Variants in PRUNE2 observed in about 807,000 individuals in gnomAD.
PRUNE2 encodes prune homolog 2 with BCH domain.
Under a neutral mutation model 252.0 loss-of-function variants are expected in PRUNE2, and 164 were observed. That is an observed-to-expected ratio of 0.65 (90% confidence interval 0.57 to 0.74). The LOEUF is 0.74. Among genes scored for constraint, PRUNE2 ranks in the 30% least tolerant of loss-of-function variants. The pLI is 0.00. For synonymous variants in PRUNE2, 1,292 were observed against 1,350.2 expected (o/e 0.96, Z 0.94); for missense variants, 3,495 against 3,711.0 (o/e 0.94, Z 1.51).
chr9:76,830,141 T>C (rs920838707), intron 4 of PRUNE2, among the ~76,000 whole-genome samples: 5 of 151,934 alleles, frequency 3.3e-5, no homozygotes, highest in African/African-American at 7.3e-5. Context: ...AATTAGAAAA[T>C]AGGTCAGAAG....
In PRUNE2 at chr9:76,831,300, C is replaced by T. The variant is rs147834984; in HGVS notation, c.509-4568G>A. ...GAAAGAAGTCTGAAAGTATGCGTCA[C>T]AAGATCTACACCAAAAGAAACAGTA... On this transcript the variant is annotated intron_variant, in intron 4 of 18. Transcript: ENST00000376718. 1.3e-3 allele frequency among the ~76,000 whole-genome samples: 197 copies of T among 151,682 alleles called. 1 individual carries two copies. Among genetic ancestry groups the T allele is most frequent in the African/African-American group, 4.7e-3 (193 of 41,320 alleles).
chr9:76,720,440 G>A (rs920700054), intron 6 of PRUNE2, among the ~76,000 whole-genome samples: 3 of 152,148 alleles, frequency 2.0e-5, no homozygotes, highest in Non-Finnish European at 4.4e-5. Flanking sequence ...CACTAGCTGG[G>A]TGACTCAAAT....
At position 76,855,064 on chromosome 9, in the gene PRUNE2, C is replaced by CAAAAAAA. The variant is rs772890225; in HGVS notation, c.37-863_37-857dup. 9.9e-4 allele frequency among the ~76,000 whole-genome samples: 77 copies of CAAAAAAA among 78,162 alleles called. 1 individual carries two copies. Among genetic ancestry groups the CAAAAAAA allele is most frequent in the African/African-American group, 4.5e-3 (72 of 16,054 alleles). The allele number at this position is 78,162 out of a possible 152,430, so 51.3% of individuals were successfully genotyped here. A position where few individuals can be genotyped will look rare whatever the true frequency, so the allele number is the denominator to read the frequency against. ...CTGGCCACAGAGCAAGACTCCATCT[C>CAAAAAAA]AAAAAAAAAAAAAAAAAAATATATA... On this transcript the variant is annotated intron_variant, in intron 1 of 18. Transcript: ENST00000376718.
At chr9:76,717,684 C>CA (rs1564141765) in intron 6 of PRUNE2, among the ~76,000 whole-genome samples, 1 of 152,026 alleles carries the variant, frequency 6.6e-6, no homozygotes, top group African/African-American at 2.4e-5. Flanking sequence ...CCACCCCCCC[C>CA]ACCAGCCACA....
At position 76,852,802 on chromosome 9, in the gene PRUNE2, GTCTGTCTATCTATCTA is replaced by G. The variant is rs1458974806; in HGVS notation, c.141+1286_141+1301del. 1.1e-3 allele frequency among the ~76,000 whole-genome samples: 169 copies of G among 150,494 alleles called. 2 individuals carry two copies. Among genetic ancestry groups the G allele is most frequent in the Admixed American group, 5.4e-3 (81 of 15,110 alleles). ...TTTATTTTTATCTAGCCATCTGTCT[GTCTGTCTATCTATCTA>G]TCTATCTATCTATCTATCTATCTAT... is the stretch of plus-strand genomic sequence containing the variant. On this transcript the variant is annotated intron_variant, in intron 2 of 18. Coordinates refer to ENST00000376718, the MANE Select transcript of PRUNE2 (RefSeq NM_015225.3).
chr9:76,889,733 C>CGG (rs1564514138), intron 1 of PRUNE2, among the ~76,000 whole-genome samples: 1 of 152,182 alleles, frequency 6.6e-6, no homozygotes, highest in Non-Finnish European at 1.5e-5. Flanking sequence ...CACACCTCCT[C>CGG]GGGGGGAAGC....
At chr9:76,681,707 AG>A (rs2043459085) in intron 9 of PRUNE2, among the ~76,000 whole-genome samples, 1 of 152,174 alleles carries the variant, frequency 6.6e-6, no homozygotes, top group Non-Finnish European at 1.5e-5. Context: ...ACCACCAGAA[AG>A]GTGCTCTTCA....
Position 76,707,634 on chromosome 9 carries a change from C to T in PRUNE2, c.4640G>A (p.Ser1547Asn), listed in dbSNP as rs1406410458. The T allele has an allele frequency of 1.2e-6, 2 of 1,613,782 alleles. No homozygotes were observed. Among genetic ancestry groups the T allele is most frequent in the African/African-American group, 2.7e-5 (2 of 74,916 alleles). ...SSEYTHSSAS[S>N]PELNDSSVAL... ...AACTGAAGAGTCATTTAACTCAGGA[C>T]TTGATGCACTTGAATGAGTATACTC... The change falls in exon 8 of 19, where the codon AGT becomes AAT. Residue 1547 changes from serine (S) to asparagine (N), a missense_variant. Transcript: ENST00000376718.
Position 76,705,746 on chromosome 9 carries a change from G to C in PRUNE2, c.6528C>G (p.Asp2176Glu). Reference sequence around the variant, plus strand: ...AGGCGGGCTGAGAGGAGCCCTTTATGTCTGCTTGATAGCCAATTGGAGGCA... The same window carrying C: ...AGGCGGGCTGAGAGGAGCCCTTTATCTCTGCTTGATAGCCAATTGGAGGCA... ...TVLPPIGYQA[D>E]IKGSSQPASH... The change falls in exon 8 of 19, where the codon GAC becomes GAG. Residue 2176 changes from aspartate (D) to glutamate (E), a missense_variant. Coordinates refer to ENST00000376718, the MANE Select transcript of PRUNE2 (RefSeq NM_015225.3). 1.2e-6 allele frequency: 2 copies of C among 1,613,986 alleles called. No individual in the cohort carries two copies. Among genetic ancestry groups the C allele is most frequent in the Non-Finnish European group, 1.7e-6 (2 of 1,179,896 alleles).
intron 7 of PRUNE2, among the ~76,000 whole-genome samples, chr9:76,713,210 T>C (rs1320980085): frequency 6.6e-6 from 1 of 152,142 alleles, no homozygotes; most frequent in African/African-American, 2.4e-5. Flanking sequence ...CACCAGGTCT[T>C]AAACACTGGG....
chr9:76,746,502 G>A (rs1018284802), intron 6 of PRUNE2, among the ~76,000 whole-genome samples: 2 of 151,294 alleles, frequency 1.3e-5, no homozygotes, highest in South Asian at 2.1e-4. Flanking sequence ...TCAGGAGATC[G>A]AGACCATCCT....
At chr9:76,641,320 G>A (rs1211718695) in intron 12 of PRUNE2, among the ~76,000 whole-genome samples, 1 of 152,206 alleles carries the variant, frequency 6.6e-6, no homozygotes, top group African/African-American at 2.4e-5. Context: ...ATAATTAAAA[G>A]AGGGAAATAA....
At chr9:76,898,303 T>G (rs766299410) in intron 1 of PRUNE2, among the ~76,000 whole-genome samples, 1 of 152,194 alleles carries the variant, frequency 6.6e-6, no homozygotes, top group African/African-American at 2.4e-5. Flanking sequence ...TGCCTCACAG[T>G]TCCCCATTTA....
At chr9:76,852,676 G>T (rs993065376) in intron 2 of PRUNE2, among the ~76,000 whole-genome samples, 3 of 152,196 alleles carry the variant, frequency 2.0e-5, no homozygotes, top group Non-Finnish European at 4.4e-5. Context: ...GAAAGGCAGA[G>T]AAATATAACC....
At chr9:76,894,051 A>G (rs2062656701) in intron 1 of PRUNE2, among the ~76,000 whole-genome samples, 1 of 152,188 alleles carries the variant, frequency 6.6e-6, no homozygotes, top group Non-Finnish European at 1.5e-5. Context: ...ACCTATATAC[A>G]TTTCTTAAGA....
chr9:76,719,564 T>A (rs931327883), intron 6 of PRUNE2, among the ~76,000 whole-genome samples: 1 of 151,992 alleles, frequency 6.6e-6, no homozygotes, highest in African/African-American at 2.4e-5. Context: ...GGCAGAAGAA[T>A]CACTTAACTT....
chr9:76,751,271 C>CAG (rs897421389), intron 6 of PRUNE2, among the ~76,000 whole-genome samples: 4 of 146,158 alleles, frequency 2.7e-5, no homozygotes, highest in Admixed American at 6.7e-5. Flanking sequence ...CACACACACA[C>CAG]AGACACACAC....
intron 9 of PRUNE2, among the ~76,000 whole-genome samples, chr9:76,680,744 C>T (rs887901849): frequency 2.0e-5 from 3 of 152,154 alleles, no homozygotes; most frequent in African/African-American, 4.8e-5. Flanking sequence ...GTTTAATTGA[C>T]TCAGAGTTCT....
intron 9 of PRUNE2, among the ~76,000 whole-genome samples, chr9:76,695,804 A>G (rs1466316467): frequency 1.3e-5 from 2 of 152,184 alleles, no homozygotes; most frequent in Non-Finnish European, 2.9e-5. Context: ...GTGATGAACA[A>G]GACAAACCAA....
Sources: gnomAD v4.1 joint callset for allele counts (sites outside exome capture counted in the v4.1 genomes callset) on GRCh38, gnomAD v4.1.1 for gene constraint, MANE v1.5 for transcripts, NCBI Gene and HGNC (gene_info 2026-07-23, HGNC 2026-07-21) for gene names.